SFMBT2: variants seen among roughly 807,000 people sequenced by gnomAD.
SFMBT2 encodes scm-like with four MBT domains protein 2.
SFMBT2 carries 38 observed loss-of-function variants against 110.1 expected under a neutral mutation model. The ratio of observed to expected loss-of-function variants is 0.35; its 90% CI spans 0.27 to 0.45. The LOEUF is 0.45. Among genes scored for constraint, SFMBT2 ranks in the 20% least tolerant of loss-of-function variants. The pLI is 1.00. For missense variants in SFMBT2, 1,011 were observed against 1,094.9 expected (o/e 0.92, Z 1.08); for synonymous variants, 425 against 425.4 (o/e 1.00, Z 0.01).
intron 7 of SFMBT2, among the ~76,000 whole-genome samples, chr10:7,251,716 G>A (rs2131741553): frequency 6.6e-6 from 1 of 152,236 alleles, no homozygotes; most frequent in South Asian, 2.1e-4. Flanking sequence ...GTCACTCCCG[G>A]CACATTCATA....
At chr10:7,304,680 C>T (rs1746910749) in intron 4 of SFMBT2, among the ~76,000 whole-genome samples, 1 of 152,156 alleles carries the variant, frequency 6.6e-6, no homozygotes, top group African/African-American at 2.4e-5. Context: ...GCCTAAATAT[C>T]CTATCGATGC....
Position 7,170,407 on chromosome 10 carries a change from G to C in SFMBT2, c.2544+521C>G, listed in dbSNP as rs1410873839. Among the ~76,000 whole-genome samples, 1 of 152,208 alleles carries C rather than the reference G, an allele frequency of 6.6e-6. No homozygotes were observed. Among genetic ancestry groups the C allele is most frequent in the Non-Finnish European group, 1.5e-5 (1 of 68,044 alleles). On this transcript the variant is annotated intron_variant, in intron 20 of 20. Transcript: ENST00000397167. The surrounding 1 kb of genome is among the most constrained non-coding windows in gnomAD (Gnocchi z 4.6). ...CTCTTCTGCAGCTGAACATCACAGGGAGGGCTGGACGGACCCCACTGAGAG... is the reference window on the plus strand; with the variant it reads ...CTCTTCTGCAGCTGAACATCACAGGCAGGGCTGGACGGACCCCACTGAGAG...
rs138385698 is a variant in SFMBT2, at chr10:7,392,509, G to A, written c.-51-10560C>T. Among the ~76,000 whole-genome samples, 5 of 151,620 alleles carry A rather than the reference G, an allele frequency of 3.3e-5. No individual in the cohort carries two copies. The East Asian group carries it at 7.8e-4, about 24-fold the overall frequency. On this transcript the variant is annotated intron_variant, in intron 1 of 20. Transcript: ENST00000397167. ...CAGCCTGGACAAAGAGCGAGACTCC[G>A]TCTCAAAGGAAAAAAAAAAATAGTA...
chr10:7,333,495 C>T (rs1843622777), intron 4 of SFMBT2, among the ~76,000 whole-genome samples: 1 of 150,976 alleles, frequency 6.6e-6, no homozygotes, highest in African/African-American at 2.4e-5. Flanking sequence ...TAGACTCAAG[C>T]AATCCTCTTG....
intron 15 of SFMBT2, among the ~76,000 whole-genome samples, chr10:7,190,419 T>C (rs1838561981): frequency 6.6e-6 from 1 of 152,238 alleles, no homozygotes; most frequent in African/African-American, 2.4e-5. Context: ...ATGCATTTTG[T>C]GACTGCGAAA....
At chr10:7,397,864 C>T (rs1430722559) in intron 1 of SFMBT2, among the ~76,000 whole-genome samples, 1 of 152,224 alleles carries the variant, frequency 6.6e-6, no homozygotes, top group African/African-American at 2.4e-5. Context: ...TGACTAAGTA[C>T]ATCTCTCCCC....
intron 4 of SFMBT2, among the ~76,000 whole-genome samples, chr10:7,298,751 G>A (rs572326266): frequency 6.6e-6 from 1 of 152,116 alleles, no homozygotes; most frequent in Non-Finnish European, 1.5e-5. Context: ...GTATATGTGT[G>A]TGTGCATATG....
At chr10:7,320,450 G>T in intron 4 of SFMBT2, 2 of 329,190 alleles carry the variant, frequency 6.1e-6, no homozygotes, top group Non-Finnish European at 4.3e-6. Flanking sequence ...CTCTAGGATT[G>T]GAAAAAATGA....
intron 1 of SFMBT2, among the ~76,000 whole-genome samples, chr10:7,397,468 G>A (rs559340250): frequency 6.6e-6 from 1 of 152,032 alleles, no homozygotes; most frequent in Admixed American, 6.6e-5. Flanking sequence ...TTCCAGACAT[G>A]CTGTAGCCAC....
At chr10:7,246,940 A>AAATATCCG (rs1840634852) in intron 8 of SFMBT2, among the ~76,000 whole-genome samples, 1 of 152,096 alleles carries the variant, frequency 6.6e-6, no homozygotes. Flanking sequence ...CATTTTGGAA[A>AAATATCCG]AATATCCGAC....
intron 7 of SFMBT2, among the ~76,000 whole-genome samples, chr10:7,249,830 A>T (rs572375510): frequency 3.3e-5 from 5 of 152,176 alleles, no homozygotes; most frequent in Admixed American, 3.3e-4. Context: ...AACTGCATGG[A>T]CCCTTTCATT....
At chr10:7,352,871 C>T (rs1005522911) in intron 4 of SFMBT2, among the ~76,000 whole-genome samples, 2 of 152,034 alleles carry the variant, frequency 1.3e-5, no homozygotes, top group Non-Finnish European at 2.9e-5. Flanking sequence ...ATTAGCCAGG[C>T]GTGATGGTGG....
intron 1 of SFMBT2, among the ~76,000 whole-genome samples, chr10:7,384,227 A>AC (rs1219370390): frequency 1.3e-5 from 2 of 149,750 alleles, no homozygotes; most frequent in Non-Finnish European, 3.0e-5. Flanking sequence ...AAAAAAAAAA[A>AC]AAAAAAAAAA....
intron 4 of SFMBT2, among the ~76,000 whole-genome samples, chr10:7,302,675 C>A (rs1842585742): frequency 6.6e-6 from 1 of 152,180 alleles, no homozygotes; most frequent in African/African-American, 2.4e-5. Context: ...GATTCAACAT[C>A]ATAAATCAGG....
At chr10:7,366,286 G>A (rs1158481785) in intron 4 of SFMBT2, among the ~76,000 whole-genome samples, 1 of 152,134 alleles carries the variant, frequency 6.6e-6, no homozygotes. Context: ...CAATGGGTTC[G>A]ATCCTGACAA....
Position 7,203,739 on chromosome 10 carries a change from G to A in SFMBT2, c.1445-1217C>T, listed in dbSNP as rs190455339. On this transcript the variant is annotated intron_variant, in intron 12 of 20. Coordinates refer to ENST00000397167, the MANE Select transcript of SFMBT2 (RefSeq NM_001387889.1). ...CAGCTTTTTTTTTGTGAGACAGAGC[G>A]GAGTATCGCTCTGTCACCCAGGCTG... is the stretch of plus-strand genomic sequence containing the variant. The A allele has an allele frequency of 1.5e-4, 135 of 891,354 alleles. No homozygotes were observed. The East Asian group carries it at 3.2e-3, about 21-fold the overall frequency. The allele number at this position is 891,354 out of a possible 1,614,324, so 55.2% of individuals were successfully genotyped here.
At chr10:7,296,895 C>T (rs1399150206) in intron 4 of SFMBT2, among the ~76,000 whole-genome samples, 2 of 152,186 alleles carry the variant, frequency 1.3e-5, no homozygotes, top group African/African-American at 2.4e-5. Context: ...CTCCAGCAGG[C>T]GGCCTGCAGG....
rs555277816 is a variant in SFMBT2, at chr10:7,226,945, C to T, written c.1203+910G>A. Among the ~76,000 whole-genome samples, 179 of 152,230 alleles carry T rather than the reference C, an allele frequency of 1.2e-3. 4 individuals are homozygous for T. In the South Asian group the frequency reaches 0.033, roughly 28 times the overall value. ...CTATGACATTCACACAACAATGAAG[C>T]GGCCTGATGATGCATTTCTCAGAAC... On this transcript the variant is annotated intron_variant, in intron 10 of 20. Coordinates refer to ENST00000397167, the MANE Select transcript of SFMBT2 (RefSeq NM_001387889.1).
chr10:7,369,407 C>T (rs1845001269), intron 3 of SFMBT2, among the ~76,000 whole-genome samples: 1 of 152,192 alleles, frequency 6.6e-6, no homozygotes, highest in Admixed American at 6.5e-5. Context: ...GTGAGTTAGA[C>T]TTTTCCCTGC....
Sources: gnomAD v4.1 joint callset for allele counts (sites outside exome capture counted in the v4.1 genomes callset) on GRCh38, gnomAD v4.1.1 for gene constraint, Gnocchi (gnomAD v3.1) non-coding constraint, MANE v1.5 for transcripts, NCBI Gene and HGNC (gene_info 2026-07-23, HGNC 2026-07-21) for gene names.